TRIM54: variants seen among roughly 807,000 people sequenced by gnomAD.
The protein encoded by TRIM54 is tripartite motif-containing protein 54.
Under a neutral mutation model 42.0 loss-of-function variants are expected in TRIM54, and 40 were observed. That is an observed-to-expected ratio of 0.95 (90% CI 0.74 to 1.24). The LOEUF is 1.24. Among genes scored for constraint, TRIM54 ranks in the 50% most tolerant of loss-of-function variants. TRIM54 has a pLI of 0.00. For missense variants in TRIM54, 485 were observed against 480.3 expected, an observed-to-expected ratio of 1.01 and a Z score of -0.09; for synonymous variants, 199 against 194.9, an observed-to-expected ratio of 1.02 and a Z score of -0.17.
At chr2:27,297,407 A>G (rs1055675705) in intron 1 of TRIM54, among the ~76,000 whole-genome samples, 11 of 152,200 alleles carry the variant, frequency 7.2e-5, no homozygotes, top group Admixed American at 3.3e-4. Flanking sequence ...CTCTGAATCA[A>G]TCATCTGTGG....
intron 3 of TRIM54, among the ~76,000 whole-genome samples, chr2:27,301,135 C>CTTTTTT (rs35279593): frequency 8.0e-6 from 1 of 125,354 alleles, no homozygotes; most frequent in African/African-American, 3.0e-5. Flanking sequence ...TGGTTGCCCT[C>CTTTTTT]TTTTTTTTTT....
Position 27,282,813 on chromosome 2 carries a change from A to G in TRIM54, c.82A>G (p.Ile28Val), listed in dbSNP as rs1253330386. The change falls in exon 1 of 9, where the codon ATC becomes GTC. Residue 28 changes from isoleucine to valine, a missense_variant. By Grantham distance (29) the Ile-to-Val change is conservative. Transcript: ENST00000380075. ...CCTGGAGAAGCAGCTCATCTGCCCC[A>G]TCTGCCTGGAGATGTTCTCCAAACC... The part of the protein sequence containing the change: ...DNLEKQLICP[I>V]CLEMFSKPVV... 1 of 1,614,110 alleles carries G rather than the reference A, an allele frequency of 6.2e-7. No individual in the cohort carries two copies. Among genetic ancestry groups the G allele is most frequent in the Non-Finnish European group, 8.5e-7 (1 of 1,179,978 alleles).
Position 27,282,687 on chromosome 2 carries a change from T to G in TRIM54, c.-45T>G, listed in dbSNP as rs1572513488. 6.4e-7 allele frequency: 1 copy of G among 1,570,754 alleles called. No homozygotes were observed. The highest frequency in any genetic ancestry group is 1.9e-5 in the Admixed American group (1 of 53,282). Reference sequence around the variant, plus strand: ...CGAGGAAGGGTCTACAGGCAGTGAGTGAAGGCCAGGAGCAGGGCCCAGGCC... The same window carrying G: ...CGAGGAAGGGTCTACAGGCAGTGAGGGAAGGCCAGGAGCAGGGCCCAGGCC... On this transcript the variant is annotated 5_prime_UTR_variant, in exon 1 of 9. Coordinates refer to ENST00000380075, the MANE Select transcript of TRIM54 (RefSeq NM_187841.3).
chr2:27,283,784 G>GCGCGCACACACACACA (rs367621533), intron 1 of TRIM54, among the ~76,000 whole-genome samples: 1,418 of 132,166 alleles, frequency 0.011, 18 homozygotes, highest in Non-Finnish European at 0.015. Context: ...ACACACGCGC[G>GCGCGCACACACACACA]CACACACACA....
At chr2:27,290,784 T>A (rs1678698827) in intron 1 of TRIM54, among the ~76,000 whole-genome samples, 1 of 152,360 alleles carries the variant, frequency 6.6e-6, no homozygotes, top group Admixed American at 6.5e-5. Flanking sequence ...TGCTGTGGTT[T>A]TGTGCTGCTT....
chr2:27,305,608 TTG>T lies in TRIM54; in HGVS notation c.636_637del (p.Leu212PhefsTer6). On this transcript the variant is annotated frameshift_variant, in exon 5 of 9. Transcript: ENST00000380075. LOFTEE classifies it high-confidence loss of function. ...GGACAATAGCCGGAGGCAGAAGCAG[TTG>T]TTAAACCAGAGGTTTGAGAGCCTGT... is the stretch of plus-strand genomic sequence containing the variant. ...IEDNSRRQKQ[L>X]LNQRFESLCA... The T allele has an allele frequency of 6.2e-7, 1 of 1,613,450 alleles. No homozygotes were observed. The highest frequency in any genetic ancestry group is 1.3e-5 in the African/African-American group (1 of 75,050).
intron 3 of TRIM54, among the ~76,000 whole-genome samples, chr2:27,304,103 C>G (rs1323192550): frequency 6.6e-6 from 1 of 150,802 alleles, no homozygotes; most frequent in African/African-American, 2.4e-5. Flanking sequence ...TCCCAGCTAC[C>G]TGGGAGGCTG....
At chr2:27,298,423 A>G in intron 1 of TRIM54, 144 bp from the exon 2 acceptor site, 3 of 642,908 alleles carry the variant, frequency 4.7e-6, no homozygotes, top group Non-Finnish European at 5.4e-6. Context: ...CTGCTCTCAG[A>G]GGTGGATCCA....
chr2:27,297,011 G>A (rs762665832), intron 1 of TRIM54, among the ~76,000 whole-genome samples: 13 of 152,038 alleles, frequency 8.6e-5, no homozygotes, highest in African/African-American at 1.9e-4. Flanking sequence ...TGCCCACCTC[G>A]GCCTCCCAAA....
In TRIM54 at chr2:27,299,252, C is replaced by T. The variant is rs750471222; in HGVS notation, c.349C>T (p.His117Tyr). 27 of 1,613,804 alleles carry T rather than the reference C, an allele frequency of 1.7e-5. No homozygotes were observed. The African/African-American group carries it at 2.1e-4, about 13-fold the overall frequency. The change falls in exon 3 of 9, where the codon CAC becomes TAC. Residue 117 changes from histidine (H) to tyrosine (Y), a missense_variant. Transcript: ENST00000380075. The part of the protein sequence containing the change: ...IYKQESSRPL[H>Y]SKAEQHLMCE... ...CTGCCCACTCCTCTCTAGGCCGCTG[C>T]ACTCCAAGGCTGAGCAGCACCTCAT...
rs367621533 is a variant in TRIM54, at chr2:27,283,784, G to GCGCGCGCACACACACACA, written c.168+886_168+887insGCGCGCACACACACACAC. 5.2e-4 allele frequency among the ~76,000 whole-genome samples: 69 copies of GCGCGCGCACACACACACA among 132,200 alleles called. 2 individuals are homozygous for GCGCGCGCACACACACACA. The highest frequency in any genetic ancestry group is 1.8e-3 in the Admixed American group (24 of 13,092). The allele number at this position is 132,200 out of a possible 152,430, so 86.7% of individuals were successfully genotyped here. ...CAAAGGCACACACACACACACGCGC[G>GCGCGCGCACACACACACA]CACACACACACACACACACACACAC... On this transcript the variant is annotated intron_variant, in intron 1 of 8. Transcript: ENST00000380075.
At chr2:27,286,133 C>A (rs976397749) in intron 1 of TRIM54, among the ~76,000 whole-genome samples, 1 of 151,822 alleles carries the variant, frequency 6.6e-6, no homozygotes, top group East Asian at 1.9e-4. Context: ...AATCTTACCT[C>A]CCCAACACAG....
At chr2:27,297,533 C>T (rs1337549956) in intron 1 of TRIM54, among the ~76,000 whole-genome samples, 1 of 152,208 alleles carries the variant, frequency 6.6e-6, no homozygotes, top group Non-Finnish European at 1.5e-5. Flanking sequence ...TATCACAACA[C>T]CCATCCTGCT....
Position 27,299,710 on chromosome 2 carries a change from A to G in TRIM54, c.513+294A>G, listed in dbSNP as rs186117648. The G allele has an allele frequency of 2.0e-3, 1,220 of 609,722 alleles. 4 individuals are homozygous for G. Among genetic ancestry groups the G allele is most frequent in the Non-Finnish European group, 3.0e-3 (1,031 of 348,970 alleles). 37.8% of individuals were successfully genotyped at this position (609,722 alleles called of 1,614,324 possible). On this transcript the variant is annotated intron_variant, in intron 3 of 8. Coordinates refer to ENST00000380075, the MANE Select transcript of TRIM54 (RefSeq NM_187841.3). ...TATCTATCTATCTATCTATCTATCTATCTATCATATTTTGAGATGGAGTCT... is the reference window on the plus strand; with the variant it reads ...TATCTATCTATCTATCTATCTATCTGTCTATCATATTTTGAGATGGAGTCT...
intron 3 of TRIM54, among the ~76,000 whole-genome samples, chr2:27,301,014 G>A (rs1319072067): frequency 1.3e-5 from 2 of 152,040 alleles, no homozygotes; most frequent in Admixed American, 6.6e-5. Context: ...TGGATCTCGC[G>A]CAAGAAAGAA....
Position 27,282,765 on chromosome 2 carries a change from G to A in TRIM54, c.34G>A (p.Gly12Arg), listed in dbSNP as rs544119014. ...NFTVGFKPLL[G>R]DAHSMDNLEK... is the part of the protein sequence containing the mutation. ...CACAGTGGGTTTCAAGCCGCTGCTAGGGGATGCACACAGCATGGACAACCT... is the reference window on the plus strand; with the variant it reads ...CACAGTGGGTTTCAAGCCGCTGCTAAGGGATGCACACAGCATGGACAACCT... The change falls in exon 1 of 9, where the codon GGG becomes AGG. Residue 12 changes from glycine (G) to arginine (R), a missense_variant. Gly to Arg is a moderately radical substitution (Grantham distance 125, BLOSUM62 -2). Coordinates refer to ENST00000380075, the MANE Select transcript of TRIM54 (RefSeq NM_187841.3). 1.7e-4 allele frequency: 268 copies of A among 1,613,086 alleles called. 2 individuals are homozygous for A. The South Asian group carries it at 2.9e-3, about 17-fold the overall frequency.
At chr2:27,301,170 G>A (rs980615273) in intron 3 of TRIM54, among the ~76,000 whole-genome samples, 27 of 133,086 alleles carry the variant, frequency 2.0e-4, no homozygotes, top group African/African-American at 6.4e-4. Flanking sequence ...ATGGAGTTTC[G>A]CTCTTGTCGC....
intron 1 of TRIM54, among the ~76,000 whole-genome samples, chr2:27,287,631 C>T (rs890689856): frequency 6.6e-6 from 1 of 152,118 alleles, no homozygotes; most frequent in African/African-American, 2.4e-5. Context: ...TCAAACAGTC[C>T]TTCTGCCTCA....
Position 27,282,902 on chromosome 2 carries a change from G to C in TRIM54, c.168+3G>C. 6.2e-7 allele frequency: 1 copy of C among 1,609,518 alleles called. No individual in the cohort carries two copies. The highest frequency in any genetic ancestry group is 1.1e-5 in the South Asian group (1 of 89,958). On this transcript the variant is annotated splice_donor_region_variant and intron_variant, in intron 1 of 8. Coordinates refer to ENST00000380075, the MANE Select transcript of TRIM54 (RefSeq NM_187841.3). ...AATGTGCCAACGACGTCTTCCAGGT[G>C]GGTGCCAGGGACGGGGCAGGGCCAG...
Sources: gnomAD v4.1 joint callset for allele counts (sites outside exome capture counted in the v4.1 genomes callset) on GRCh38, gnomAD v4.1.1 for gene constraint, MANE v1.5 for transcripts, NCBI Gene and HGNC (gene_info 2026-07-23, HGNC 2026-07-21) for gene names.